The following ZNF26 variants were observed in gnomAD, a reference collection of about 807,000 sequenced individuals.
ZNF26 encodes zinc finger protein 26.
ZNF26 carries 32 observed loss-of-function variants against 54.9 expected under a neutral mutation model. The observed-to-expected ratio is 0.58, with a 90% CI of 0.44 to 0.78. The LOEUF (loss-of-function observed/expected upper bound fraction) is 0.78. Ranked by LOEUF, ZNF26 falls within the 30% of genes least tolerant of loss-of-function variation. The pLI, the probability that ZNF26 is intolerant of heterozygous loss-of-function variation, is 0.00. For synonymous variants in ZNF26, 221 were observed against 209.2 expected, an observed-to-expected ratio of 1.06 and a Z score of -0.49; for missense variants, 524 against 634.0, an observed-to-expected ratio of 0.83 and a Z score of 1.86.
intron 1 of ZNF26, among the ~76,000 whole-genome samples, chr12:132,993,027 C>CTTTTT (rs71079156): frequency 0.43 from 55,453 of 128,504 alleles, 13,683 homozygotes; most frequent in East Asian, 0.7. Context: ...ACTAGTATTT[C>CTTTTT]TTTTTTTTTT....
Position 133,018,246 on chromosome 12 carries a change from C to G in ZNF26, c.*6765C>G, listed in dbSNP as rs898204844. The G allele has an allele frequency of 6.6e-6, 1 of 152,120 alleles. No homozygotes were observed. Among genetic ancestry groups the G allele is most frequent in the Non-Finnish European group, 1.5e-5 (1 of 68,024 alleles). 9.4% of individuals were successfully genotyped at this position (152,120 alleles called of 1,614,324 possible). ...AACAAAAGCTGTTAATATATACTTT[C>G]TCTTCATCTCTCAGCCTCTTTAAAT... On this transcript the variant is annotated 3_prime_UTR_variant, in exon 4 of 4. Transcript: ENST00000328654.
chr12:133,005,362 C>G (rs1953302632), intron 1 of ZNF26: 1 of 152,166 alleles, frequency 6.6e-6, no homozygotes, highest in Non-Finnish European at 1.5e-5. Context: ...ACCCCCACGC[C>G]TGGCTAATTT....
chr12:132,993,761 A>G (rs981669785), intron 1 of ZNF26, among the ~76,000 whole-genome samples: 4 of 151,978 alleles, frequency 2.6e-5, no homozygotes, highest in Non-Finnish European at 5.9e-5. Context: ...TGGTTGCCCT[A>G]TGTTTTTTTG....
Position 133,011,400 on chromosome 12 carries a change from G to A in ZNF26, c.1521G>A (p.Glu507=), listed in dbSNP as rs1953469306. Residue 507 remains glutamate, a synonymous_variant, in exon 4 of 4, where the codon GAG becomes GAA. Transcript: ENST00000328654. ...AACATCAGAGAGTTCACACCGGAGA[G>A]AAACCATGGAAATGCTCTGAATGTG... is the stretch of plus-strand genomic sequence containing the variant. ...LSEHQRVHTG[E]KPWKCSECGK... The A allele has an allele frequency of 1.9e-6, 3 of 1,605,386 alleles. No individual in the cohort carries two copies. Among genetic ancestry groups the A allele is most frequent in the South Asian group, 2.2e-5 (2 of 89,148 alleles).
chr12:132,991,279 C>CTT (rs1288137509), intron 1 of ZNF26, among the ~76,000 whole-genome samples: 2 of 147,742 alleles, frequency 1.4e-5, no homozygotes, highest in Non-Finnish European at 1.5e-5. Context: ...GGGTGAATCA[C>CTT]GAGGTCAGAT....
intron 3 of ZNF26, among the ~76,000 whole-genome samples, chr12:133,009,411 G>T (rs1953419005): frequency 6.6e-6 from 1 of 152,102 alleles, no homozygotes; most frequent in Non-Finnish European, 1.5e-5. Context: ...TGGCCAACAA[G>T]TGAAACCCCA....
rs1481438672 is a variant in ZNF26, at chr12:133,012,578, G to A, written c.*1097G>A. On this transcript the variant is annotated 3_prime_UTR_variant, in exon 4 of 4. Transcript: ENST00000328654. Reference sequence around the variant, plus strand: ...ATGTCTTTTGCTTTTTGTTGTTTGGGTTTTTTTTTTTTTTTTTTTTTTTTT... The same window carrying A: ...ATGTCTTTTGCTTTTTGTTGTTTGGATTTTTTTTTTTTTTTTTTTTTTTTT... The A allele has an allele frequency of 2.7e-5, 1 of 37,652 alleles. No homozygotes were observed. Among genetic ancestry groups the A allele is most frequent in the East Asian group, 9.0e-4 (1 of 1,108 alleles). 2.3% of individuals were successfully genotyped at this position (37,652 alleles called of 1,614,324 possible). A position where few individuals can be genotyped will look rare whatever the true frequency, so the allele number is the denominator to read the frequency against.
chr12:133,004,489 A>G (rs1312813550), intron 1 of ZNF26: 5 of 151,504 alleles, frequency 3.3e-5, no homozygotes, highest in African/African-American at 4.9e-5. Context: ...TATAGGGTGT[A>G]ATTTTTTTTT....
intron 1 of ZNF26, among the ~76,000 whole-genome samples, chr12:132,990,573 C>T (rs1952927074): frequency 6.6e-6 from 1 of 152,058 alleles, no homozygotes; most frequent in South Asian, 2.1e-4. Context: ...GTTAGGATTC[C>T]CTCTGCCTTT....
intron 3 of ZNF26, 52 bp downstream of exon 3, chr12:133,007,584 T>TGCCC: frequency 1.5e-6 from 2 of 1,329,304 alleles, no homozygotes; most frequent in Non-Finnish European, 2.1e-6. Context: ...AGCTGATGAG[T>TGCCC]ACCTGAGGAG....
rs1167108032 is a variant in ZNF26 at position 133,024,410 on chromosome 12, T to G, written c.*12929T>G. On this transcript the variant is annotated 3_prime_UTR_variant, in exon 4 of 4. Coordinates refer to ENST00000328654, the MANE Select transcript of ZNF26 (RefSeq NM_019591.4). ...CCTAATGTAAATGGAAAATAGAAGA[T>G]GTACCTCATGACCTCAGTGATAGAG... 4 of 152,330 alleles carry G rather than the reference T, an allele frequency of 2.6e-5. No individual in the cohort carries two copies. The highest frequency in any genetic ancestry group is 4.1e-4 in the South Asian group (2 of 4,830). The allele number at this position is 152,330 out of a possible 1,614,324, so 9.4% of individuals were successfully genotyped here.
chr12:133,006,240 C>G (rs2137249719), intron 1 of ZNF26: 1 of 985,436 alleles, frequency 1.0e-6, no homozygotes, highest in East Asian at 1.1e-4. Flanking sequence ...AAGCCCCAGA[C>G]CAATTGCCTT....
chr12:133,001,722 C>G lies in ZNF26; in HGVS notation c.34-5320C>G. On this transcript the variant is annotated intron_variant, in intron 1 of 3. Transcript: ENST00000328654. The surrounding 1 kb of genome is among the most constrained non-coding windows in gnomAD (Gnocchi z 4.7). ...TTCCTTGGGCCCAGGGAAACAGTGC[C>G]CTGCCTGAGGTGAGCCGCAGGGAGG... 7.8e-7 allele frequency: 1 copy of G among 1,289,060 alleles called. No homozygotes were observed. Among genetic ancestry groups the G allele is most frequent in the African/African-American group, 1.5e-5 (1 of 65,982 alleles). 79.9% of individuals were successfully genotyped at this position (1,289,060 alleles called of 1,614,324 possible). A position where few individuals can be genotyped will look rare whatever the true frequency, so the allele number is the denominator to read the frequency against.
rs1172427749 is a variant in ZNF26 at position 133,006,031 on chromosome 12, AT to A, written c.34-1002del. ...AGGGACTGCAAATTATGTTCCATCT[AT>A]TTTTTTTTCTTTCTTTCATAATAGA... is the stretch of plus-strand genomic sequence containing the variant. On this transcript the variant is annotated intron_variant, in intron 1 of 3. Transcript: ENST00000328654. The A allele has an allele frequency of 7.3e-5, 68 of 935,870 alleles. No homozygotes were observed. In the South Asian group the frequency reaches 1.4e-3, roughly 20 times the overall value. The allele number at this position is 935,870 out of a possible 1,614,324, so 58.0% of individuals were successfully genotyped here. A position where few individuals can be genotyped will look rare whatever the true frequency, so the allele number is the denominator to read the frequency against.
Position 132,986,823 on chromosome 12 carries a change from G to A in ZNF26, c.-18G>A. 3 of 1,601,312 alleles carry A rather than the reference G, an allele frequency of 1.9e-6. No individual in the cohort carries two copies. In the Admixed American group the frequency reaches 5.2e-5, roughly 28 times the overall value. The stretch of plus-strand genomic sequence containing the variant: ...CGGGTCCTGCCCCCGCAGGCAGCGC[G>A]CGAACGTGGGCGTGGGGATGGCCAC... On this transcript the variant is annotated 5_prime_UTR_variant, in exon 1 of 4. Coordinates refer to ENST00000328654, the MANE Select transcript of ZNF26 (RefSeq NM_019591.4).
rs1316732103 is a variant in ZNF26, at chr12:133,021,141, C to T, written c.*9660C>T. The T allele has an allele frequency of 6.5e-5, 8 of 123,224 alleles. No homozygotes were observed. The highest frequency in any genetic ancestry group is 2.9e-4 in the Admixed American group (3 of 10,290). The allele number at this position is 123,224 out of a possible 1,614,324, so 7.6% of individuals were successfully genotyped here. On this transcript the variant is annotated 3_prime_UTR_variant, in exon 4 of 4. Transcript: ENST00000328654. ...TCATTTTTTTTTTTTTTTTTTGAGA[C>T]GGAATCTCACTCTGTCACCAAGGTT...
chr12:132,998,413 C>G (rs1953139025), intron 1 of ZNF26, among the ~76,000 whole-genome samples: 1 of 152,158 alleles, frequency 6.6e-6, no homozygotes, highest in South Asian at 2.1e-4. Context: ...GATCTGCCCT[C>G]CTCAGCCTCC....
intron 1 of ZNF26, chr12:133,005,841 C>T (rs1953313456): frequency 6.5e-6 from 1 of 153,990 alleles, no homozygotes; most frequent in African/African-American, 2.4e-5. Context: ...GCCTCCAGAA[C>T]CTTGAGCTAA....
chr12:132,993,704 C>T (rs997661024), intron 1 of ZNF26, among the ~76,000 whole-genome samples: 1 of 152,108 alleles, frequency 6.6e-6, no homozygotes, highest in African/African-American at 2.4e-5. Context: ...GATCTACCCC[C>T]CTCGGCCTCC....
Sources: allele counts gnomAD v4.1 joint callset (sites outside exome capture counted in the v4.1 genomes callset), GRCh38; gene constraint gnomAD v4.1.1; non-coding constraint Gnocchi (gnomAD v3.1); transcripts MANE v1.5; gene names NCBI Gene and HGNC (gene_info 2026-07-23, HGNC 2026-07-21).